Variants in CEP170B observed in about 807,000 individuals in gnomAD.
CEP170B encodes the protein centrosomal protein of 170 kDa protein B.
Under a neutral mutation model 120.6 loss-of-function variants are expected in CEP170B, and 55 were observed. The ratio of observed to expected loss-of-function variants is 0.46; its 90% CI spans 0.37 to 0.57. The LOEUF is 0.57. Ranked by LOEUF, CEP170B falls within the 20% of genes least tolerant of loss-of-function variation. CEP170B has a pLI of 0.00. For synonymous variants in CEP170B, 1,033 were observed against 954.5 expected (o/e 1.08, Z -1.52); for missense variants, 2,212 against 2,253.3 (o/e 0.98, Z 0.37).
chr14:104,896,585 C>T lies in CEP170B; in HGVS notation c.*1627C>T, dbSNP rs1176804898. 4.4e-6 allele frequency: 2 copies of T among 456,246 alleles called. No individual in the cohort carries two copies. Among genetic ancestry groups the T allele is most frequent in the South Asian group, 3.1e-5 (2 of 64,554 alleles). The allele number at this position is 456,246 out of a possible 1,614,324, so 28.3% of individuals were successfully genotyped here. On this transcript the variant is annotated 3_prime_UTR_variant, in exon 19 of 19. Transcript: ENST00000414716. ...ACACTGAGCTCCTTTGTTCCTCCCC[C>T]TCCAGCCTTTGCCTGGGAACTGGTC...
chr14:104,871,339 C>T (rs1895474818), intron 2 of CEP170B, among the ~76,000 whole-genome samples: 1 of 152,016 alleles, frequency 6.6e-6, no homozygotes, highest in African/African-American at 2.4e-5. Context: ...CCCTTCCACC[C>T]GGGGTCCCCG....
rs1895451576 is a variant in CEP170B, at chr14:104,870,979, C to T, written c.105+2424C>T. ...TCTGTCACCCCTCACTCCCTGTGCACCTGCCCTAGAGGCTTCTCACCCCCA... is the reference window on the plus strand; with the variant it reads ...TCTGTCACCCCTCACTCCCTGTGCATCTGCCCTAGAGGCTTCTCACCCCCA... On this transcript the variant is annotated intron_variant, in intron 2 of 18. Coordinates refer to ENST00000414716, the MANE Select transcript of CEP170B (RefSeq NM_001112726.3). This position sits in a 1 kb window ranked among gnomAD's most constrained non-coding sequence, Gnocchi z 4.1. 6.6e-6 allele frequency among the ~76,000 whole-genome samples: 1 copy of T among 152,032 alleles called. No homozygotes were observed. Among genetic ancestry groups the T allele is most frequent in the South Asian group, 2.1e-4 (1 of 4,832 alleles).
At chr14:104,890,351 T>TGGAG (rs1896759043) in intron 13 of CEP170B, among the ~76,000 whole-genome samples, 1 of 65,866 alleles carries the variant, frequency 1.5e-5, no homozygotes, top group African/African-American at 3.9e-5. Context: ...AGTGTGTGGA[T>TGGAG]GGATGGATGG....
chr14:104,889,862 A>G, intron 13 of CEP170B, 104 bp downstream of exon 13: 1 of 1,239,440 alleles, frequency 8.1e-7, no homozygotes, highest in Non-Finnish European at 1.1e-6. Flanking sequence ...TCTTGAGTGG[A>G]TAGATGGTAC....
intron 16 of CEP170B, 134 bp downstream of exon 16, chr14:104,893,983 G>A (rs367733934): frequency 3.8e-4 from 322 of 838,874 alleles, no homozygotes; most frequent in Middle Eastern, 9.3e-4. Flanking sequence ...CAGCCCTCCC[G>A]TGTGCACGTG....
chr14:104,887,967 G>A lies in CEP170B; in HGVS notation c.3728G>A (p.Arg1243Gln), dbSNP rs768769761. 30 of 1,512,140 alleles carry A rather than the reference G, an allele frequency of 2.0e-5. No individual in the cohort carries two copies. Among genetic ancestry groups the A allele is most frequent in the East Asian group, 7.2e-5 (3 of 41,624 alleles). The allele number at this position is 1,512,140 out of a possible 1,614,324, so 93.7% of individuals were successfully genotyped here. A position where few individuals can be genotyped will look rare whatever the true frequency, so the allele number is the denominator to read the frequency against. Residue 1243 changes from arginine (R) to glutamine (Q), a missense_variant, in exon 12 of 19, where the codon CGA becomes CAA. Arg to Gln is a conservative substitution (Grantham distance 43). Transcript: ENST00000414716. ...AGCAGGGCCCGCTCAGGCAGTGCCC[G>A]ATACACCTCCAGTGAGTGCCAGGGC... ...PFSRARSGSA[R>Q]YTSTTQTPRA... is the part of the protein sequence containing the mutation.
Position 104,883,346 on chromosome 14 carries a change from C to A in CEP170B, c.889C>A (p.Pro297Thr). The change falls in exon 8 of 19, where the codon CCC becomes ACC. Residue 297 changes from proline (P) to threonine (T), a missense_variant. This residue lies in a region of CEP170B where 2,166 missense variants were observed against 2,166.7 expected (regional missense o/e 1.00). Transcript: ENST00000414716. ...ITKFSLRQRR[P>T]PGKEATPGEM... Reference sequence around the variant, plus strand: ...CAAGTTTTCCCTGCGCCAGCGGCGGCCCCCGGGCAAGGAGGCCACACCTGG... The same window carrying A: ...CAAGTTTTCCCTGCGCCAGCGGCGGACCCCGGGCAAGGAGGCCACACCTGG... 1 of 1,610,820 alleles carries A rather than the reference C, an allele frequency of 6.2e-7. No individual in the cohort carries two copies. The highest frequency in any genetic ancestry group is 8.5e-7 in the Non-Finnish European group (1 of 1,179,266).
intron 4 of CEP170B, 24 bp from the exon 5 acceptor site, chr14:104,878,419 G>T (rs769984048): frequency 4.3e-6 from 7 of 1,611,688 alleles, no homozygotes; most frequent in Non-Finnish European, 5.1e-6. Context: ...CTTCTGCTCT[G>T]TGTTCGCCTT....
At chr14:104,875,464 C>T (rs148547296) in intron 2 of CEP170B, among the ~76,000 whole-genome samples, 2 of 152,086 alleles carry the variant, frequency 1.3e-5, no homozygotes, top group Non-Finnish European at 2.9e-5. Flanking sequence ...AGGGATGGAG[C>T]CACCACCCAG....
At chr14:104,892,441 A>G (rs1259900755) in intron 13 of CEP170B, among the ~76,000 whole-genome samples, 5 of 151,696 alleles carry the variant, frequency 3.3e-5, no homozygotes, top group Non-Finnish European at 7.4e-5. Context: ...CCCTCTCTGG[A>G]TCTGCCCAGC....
rs1566860690 is a variant in CEP170B at position 104,882,767 on chromosome 14, C to T, written c.512C>T (p.Ser171Phe). Residue 171 changes from serine (S) to phenylalanine (F), a missense_variant, in exon 7 of 19, where the codon TCC becomes TTC. Ser to Phe is a radical substitution (Grantham distance 155). This residue lies in a region of CEP170B where 2,166 missense variants were observed against 2,166.7 expected (regional missense o/e 1.00). Transcript: ENST00000414716. Reference sequence around the variant, plus strand: ...CGCACACCCCTGTATGGGCAGCCCTCCTGGTGGGGTGAGGACGATGGTAGC... The same window carrying T: ...CGCACACCCCTGTATGGGCAGCCCTTCTGGTGGGGTGAGGACGATGGTAGC... ...SYRTPLYGQPSWWGEDDGSTL... is the reference protein window; with the variant it reads ...SYRTPLYGQPFWWGEDDGSTL... 5 of 1,612,316 alleles carry T rather than the reference C, an allele frequency of 3.1e-6. No individual in the cohort carries two copies. The highest frequency in any genetic ancestry group is 2.2e-5 in the East Asian group (1 of 44,856).
In CEP170B at chr14:104,870,073, CGGT is replaced by C. The variant is rs1895397467; in HGVS notation, c.105+1521_105+1523del. Among the ~76,000 whole-genome samples the C allele has an allele frequency of 6.6e-6, 1 of 151,276 alleles. No individual in the cohort carries two copies. Among genetic ancestry groups the C allele is most frequent in the Admixed American group, 6.6e-5 (1 of 15,100 alleles). ...TATGCCTTTGGTAGCGGGAGAGAGT[CGGT>C]GGCTGGGGGCAGGAGTCGGCAAATG... is the stretch of plus-strand genomic sequence containing the variant. On this transcript the variant is annotated intron_variant, in intron 2 of 18. Coordinates refer to ENST00000414716, the MANE Select transcript of CEP170B (RefSeq NM_001112726.3). This position sits in a 1 kb window ranked among gnomAD's most constrained non-coding sequence, Gnocchi z 4.1.
At chr14:104,877,836 A>ACCCCCCCCCCCCCCCCCCCCCCCCCC in intron 3 of CEP170B, 49 bp from the exon 4 acceptor site, 1 of 237,070 alleles carries the variant, frequency 4.2e-6, no homozygotes, top group Non-Finnish European at 6.7e-6. Flanking sequence ...GCCCACAGCC[A>ACCCCCCCCCCCCCCCCCCCCCCCCCC]CCCACCCGCG....
chr14:104,891,620 A>G lies in CEP170B; in HGVS notation c.3879-1356A>G, dbSNP rs1185717527. On this transcript the variant is annotated intron_variant, in intron 13 of 18. Coordinates refer to ENST00000414716, the MANE Select transcript of CEP170B (RefSeq NM_001112726.3). The surrounding 1 kb of genome is among the most constrained non-coding windows in gnomAD (Gnocchi z 4.3). Reference sequence around the variant, plus strand: ...TGCCATCAGCGGAGGAGGCTAGCACAGGGCTAGGGCTCTGGACAGAGACAC... The same window carrying G: ...TGCCATCAGCGGAGGAGGCTAGCACGGGGCTAGGGCTCTGGACAGAGACAC... Among the ~76,000 whole-genome samples, 1 of 151,946 alleles carries G rather than the reference A, an allele frequency of 6.6e-6. No individual in the cohort carries two copies. Among genetic ancestry groups the G allele is most frequent in the African/African-American group, 2.4e-5 (1 of 41,324 alleles).
rs576040931 is a variant in CEP170B at position 104,872,165 on chromosome 14, G to T, written c.105+3610G>T. Among the ~76,000 whole-genome samples, 3 of 140,778 alleles carry T rather than the reference G, an allele frequency of 2.1e-5. No individual in the cohort carries two copies. In the South Asian group the frequency reaches 7.2e-4, roughly 34 times the overall value. 92.4% of individuals were successfully genotyped at this position (140,778 alleles called of 152,430 possible). On this transcript the variant is annotated intron_variant, in intron 2 of 18. Transcript: ENST00000414716. ...TGTGCCGTGTGTGTGCGTGTGTGCC[G>T]CGTGTGTGTGCGTGTGTGTGCTGTG...
Position 104,882,815 on chromosome 14 carries a change from A to G in CEP170B, c.560A>G (p.Gln187Arg). The change falls in exon 7 of 19, where the codon CAG becomes CGG. Residue 187 changes from glutamine to arginine, a missense_variant. Gln to Arg is a conservative substitution (Grantham distance 43). Transcript: ENST00000414716. ...AGCACGCTGCCTGACGCCCAGCGCC[A>G]GGGAGAGCCCTACCCAGGTTGGTCT... ...DGSTLPDAQR[Q>R]GEPYPERPKG... 6.2e-7 allele frequency: 1 copy of G among 1,612,074 alleles called. No individual in the cohort carries two copies. The highest frequency in any genetic ancestry group is 8.5e-7 in the Non-Finnish European group (1 of 1,179,570).
rs1417176654 is a variant in CEP170B at position 104,893,630 on chromosome 14, C to T, written c.4146C>T (p.Ala1382=). The change falls in exon 15 of 19, where the codon GCC becomes GCT. Residue 1382 remains alanine, a synonymous_variant. Transcript: ENST00000414716. Reference sequence around the variant, plus strand: ...ACATGAACGACAGCTGTGAGGACGCCCTGGCCAACAAGACGCGGCCTCGGA... The same window carrying T: ...ACATGAACGACAGCTGTGAGGACGCTCTGGCCAACAAGACGCGGCCTCGGA... ...DQNMNDSCED[A]LANKTRPRNR... is the part of the protein sequence containing the mutation. 4.4e-6 allele frequency: 7 copies of T among 1,596,484 alleles called. No individual in the cohort carries two copies. Among genetic ancestry groups the T allele is most frequent in the Non-Finnish European group, 6.0e-6 (7 of 1,172,754 alleles).
Position 104,870,937 on chromosome 14 carries a change from G to A in CEP170B, c.105+2382G>A, listed in dbSNP as rs765921369. ...TGCAGCGGCCTCCTACCTGCCCACC[G>A]CTGCCCCCTGCCGGCCTCTGTCACC... is the stretch of plus-strand genomic sequence containing the variant. On this transcript the variant is annotated intron_variant, in intron 2 of 18. Coordinates refer to ENST00000414716, the MANE Select transcript of CEP170B (RefSeq NM_001112726.3). The surrounding 1 kb of genome is among the most constrained non-coding windows in gnomAD (Gnocchi z 4.1). Among the ~76,000 whole-genome samples the A allele has an allele frequency of 1.3e-5, 2 of 151,960 alleles. No homozygotes were observed. The highest frequency in any genetic ancestry group is 1.5e-5 in the Non-Finnish European group (1 of 67,962).
chr14:104,873,428 G>C (rs981657326), intron 2 of CEP170B, among the ~76,000 whole-genome samples: 2 of 152,072 alleles, frequency 1.3e-5, no homozygotes, highest in Non-Finnish European at 2.9e-5. Context: ...TGGCCTGGGT[G>C]GGGTAAGGAA....
Sources: gnomAD v4.1 joint callset for allele counts (sites outside exome capture counted in the v4.1 genomes callset) on GRCh38, gnomAD v4.1.1 for gene constraint, gnomAD v4.1.1 regional missense constraint, Gnocchi (gnomAD v3.1) non-coding constraint, MANE v1.5 for transcripts, NCBI Gene and HGNC (gene_info 2026-07-23, HGNC 2026-07-21) for gene names.